The following TXK variants were observed in gnomAD, a reference collection of about 807,000 sequenced individuals.
TXK encodes TXK tyrosine kinase.
TXK carries 60 observed loss-of-function variants against 81.0 expected under a neutral mutation model. The observed-to-expected ratio is 0.74, with a 90% confidence interval of 0.60 to 0.92. The LOEUF (loss-of-function observed/expected upper bound fraction) is 0.92, where lower values mean the gene tolerates loss of function less well. TXK is among the 40% of genes least tolerant of loss of function. TXK has a pLI of 0.00. For missense variants in TXK, 581 were observed against 638.3 expected (o/e 0.91, Z 0.97); for synonymous variants, 203 against 210.7 (o/e 0.96, Z 0.32).
chr4:48,092,433 A>G (rs1282144294), intron 8 of TXK, among the ~76,000 whole-genome samples: 1 of 152,190 alleles, frequency 6.6e-6, no homozygotes, highest in African/African-American at 2.4e-5. Flanking sequence ...TGAGAACTAG[A>G]AAGCACCACT....
At chr4:48,075,643 CTG>C (rs1431604615) in intron 12 of TXK, among the ~76,000 whole-genome samples, 1 of 151,698 alleles carries the variant, frequency 6.6e-6, no homozygotes, top group Non-Finnish European at 1.5e-5. Flanking sequence ...GAGTAAGACT[CTG>C]TCGAAAAAAA....
intron 1 of TXK, among the ~76,000 whole-genome samples, chr4:48,122,371 A>G (rs944660431): frequency 6.6e-6 from 1 of 152,080 alleles, no homozygotes; most frequent in African/African-American, 2.4e-5. Flanking sequence ...TTTTTTCCAG[A>G]GCACTCCTCC....
chr4:48,085,209 A>G (rs1487448429), intron 10 of TXK, among the ~76,000 whole-genome samples: 1 of 152,200 alleles, frequency 6.6e-6, no homozygotes. Flanking sequence ...GTCCCGGGAA[A>G]TCACAGAAGA....
rs1403530104 is a variant in TXK at position 48,104,933 on chromosome 4, T to A, written c.469A>T (p.Arg157Ter). The change falls in exon 6 of 15, where the codon AGA (arginine) becomes TGA (stop). Residue 157 changes from arginine to a stop codon, truncating the protein, a stop_gained. Transcript: ENST00000264316. LOFTEE classifies it high-confidence loss of function. ...IYEWYHRNITRNQAEHLLRQE... is the reference protein window; with the variant it reads ...IYEWYHRNIT ...CTCAATAGATGTTCTGCCTGATTTCTGGTAATGTTTCTATGGTACCACCTG... is the reference window on the plus strand; with the variant it reads ...CTCAATAGATGTTCTGCCTGATTTCAGGTAATGTTTCTATGGTACCACCTG... The A allele has an allele frequency of 1.3e-6, 2 of 1,593,978 alleles. No individual in the cohort carries two copies. Among genetic ancestry groups the A allele is most frequent in the Non-Finnish European group, 1.7e-6 (2 of 1,170,730 alleles).
chr4:48,120,169 A>ATATG (rs1215609981), intron 1 of TXK, among the ~76,000 whole-genome samples: 22 of 92,312 alleles, frequency 2.4e-4, no homozygotes, highest in Non-Finnish European at 2.1e-4. Context: ...ATATATGTAT[A>ATATG]TACGTATATG....
At chr4:48,074,899 T>C (rs1353575319) in intron 12 of TXK, among the ~76,000 whole-genome samples, 2 of 152,164 alleles carry the variant, frequency 1.3e-5, no homozygotes, top group Non-Finnish European at 2.9e-5. Flanking sequence ...AAGCCACTGT[T>C]TATAGATTTT....
At chr4:48,099,197 A>G (rs552840073) in intron 6 of TXK, among the ~76,000 whole-genome samples, 1 of 152,314 alleles carries the variant, frequency 6.6e-6, no homozygotes, top group Non-Finnish European at 1.5e-5. Context: ...TACAAAATTA[A>G]TTCACAGAAA....
At chr4:48,103,355 T>TGTGACCATACCA in intron 6 of TXK, among the ~76,000 whole-genome samples, 1 of 152,346 alleles carries the variant, frequency 6.6e-6, no homozygotes. Flanking sequence ...GGCCATTTGC[T>TGTGACCATACCA]GTGACCATAC....
intron 8 of TXK, among the ~76,000 whole-genome samples, chr4:48,092,376 G>C (rs1437001899): frequency 1.3e-5 from 2 of 152,178 alleles, no homozygotes; most frequent in Non-Finnish European, 2.9e-5. Flanking sequence ...AACATCGAAG[G>C]AGCAACAAGT....
At chr4:48,117,085 ACCATGTTGGCCAGCCTAGTCTCGGACT>A (rs1440252210) in intron 1 of TXK, among the ~76,000 whole-genome samples, 1 of 152,048 alleles carries the variant, frequency 6.6e-6, no homozygotes, top group East Asian at 1.9e-4. Context: ...ATGGGATTTC[ACCATGTTGGCCAGCCTAGTCTCGGACT>A]CCTGACCTCA....
intron 10 of TXK, among the ~76,000 whole-genome samples, chr4:48,081,113 T>C (rs1305024273): frequency 6.6e-6 from 1 of 151,820 alleles, no homozygotes; most frequent in Non-Finnish European, 1.5e-5. Context: ...ATATATATAT[T>C]ATATATATTT....
chr4:48,108,582 C>T (rs929375015), intron 5 of TXK, among the ~76,000 whole-genome samples: 4 of 152,110 alleles, frequency 2.6e-5, no homozygotes, highest in African/African-American at 9.7e-5. Flanking sequence ...GTGCTTGGCA[C>T]ATAGTGATCA....
intron 10 of TXK, among the ~76,000 whole-genome samples, chr4:48,086,181 G>A (rs2109419347): frequency 6.6e-6 from 1 of 152,344 alleles, no homozygotes; most frequent in African/African-American, 2.4e-5. Flanking sequence ...AAGGTGTCAA[G>A]GGAATTCTCC....
intron 1 of TXK, 63 bp downstream of exon 1, chr4:48,134,092 G>C (rs1191303486): frequency 6.3e-7 from 1 of 1,592,782 alleles, no homozygotes; most frequent in African/African-American, 1.4e-5. Context: ...TTCCTCTGCT[G>C]TTCAAGAATA....
chr4:48,117,233 C>T (rs910992838), intron 1 of TXK, among the ~76,000 whole-genome samples: 3 of 152,188 alleles, frequency 2.0e-5, no homozygotes, highest in Non-Finnish European at 4.4e-5. Context: ...TTATCCATTC[C>T]ATTTCCCCTT....
At position 48,079,946 on chromosome 4, in the gene TXK, T is replaced by C; in HGVS notation, c.1139A>G (p.Tyr380Cys). ...VCQDICEGME[Y>C]LERNGYIHRD... ...ATGAATATAGCCATTCCTCTCCAGATATTCCATTCCTTCACATATATCCTG... is the reference window on the plus strand; with the variant it reads ...ATGAATATAGCCATTCCTCTCCAGACATTCCATTCCTTCACATATATCCTG... The change falls in exon 11 of 15, where the codon TAT (tyrosine) becomes TGT (cysteine). Residue 380 changes from tyrosine to cysteine, a missense_variant. By Grantham distance (194) the Tyr-to-Cys change is radical. Transcript: ENST00000264316. 6.2e-7 allele frequency: 1 copy of C among 1,613,926 alleles called. No homozygotes were observed. The highest frequency in any genetic ancestry group is 8.5e-7 in the Non-Finnish European group (1 of 1,179,916).
chr4:48,086,379 T>G, intron 10 of TXK, 87 bp downstream of exon 10: 1 of 1,387,694 alleles, frequency 7.2e-7, no homozygotes, highest in South Asian at 1.3e-5. Context: ...GTGACACAAA[T>G]CCAGGTGTGG....
At chr4:48,110,671 C>T in intron 4 of TXK, 68 bp from the exon 5 acceptor site, 1 of 1,139,604 alleles carries the variant, frequency 8.8e-7, no homozygotes, top group Non-Finnish European at 1.3e-6. Flanking sequence ...GGCAACAATC[C>T]TTTTAAAACC....
intron 1 of TXK, among the ~76,000 whole-genome samples, chr4:48,133,885 G>C (rs534362571): frequency 6.6e-6 from 1 of 152,162 alleles, no homozygotes; most frequent in East Asian, 1.9e-4. Flanking sequence ...ACTTCATACT[G>C]ATTGCATTTC....
Sources: gnomAD v4.1 joint callset for allele counts (sites outside exome capture counted in the v4.1 genomes callset) on GRCh38, gnomAD v4.1.1 for gene constraint, MANE v1.5 for transcripts, NCBI Gene and HGNC (gene_info 2026-07-23, HGNC 2026-07-21) for gene names.